The following NBPF14 variants were observed in gnomAD, a reference collection of about 807,000 sequenced individuals.
NBPF14 encodes the protein NBPF family member NBPF14.
NBPF14 carries 104 observed loss-of-function variants against 91.2 expected under a neutral mutation model. That is an observed-to-expected ratio of 1.14 (90% CI 0.97 to 1.34). NBPF14 has a LOEUF of 1.34. NBPF14 is among the 40% of genes most tolerant of loss of function. The probability of loss-of-function intolerance (pLI) is 0.00; values close to 1 mark genes in which losing one functional copy is unlikely to be tolerated. For synonymous variants in NBPF14, 294 were observed against 303.8 expected (o/e 0.97, Z 0.34); for missense variants, 908 against 783.0 (o/e 1.16, Z -1.91).
chr1:148,578,859 A>G (rs1660484661), intron 13 of NBPF14, among the ~76,000 whole-genome samples: 2 of 149,144 alleles, frequency 1.3e-5, no homozygotes, highest in African/African-American at 4.9e-5. Flanking sequence ...TGGCATGGGC[A>G]TGGCCTGAGA....
rs1266071356 is a variant in NBPF14, at chr1:148,593,808, G to A, written c.176-108C>T. 409 of 1,050,764 alleles carry A rather than the reference G, an allele frequency of 3.9e-4. 36 individuals carry two copies. Among genetic ancestry groups the A allele is most frequent in the Non-Finnish European group, 1.3e-4 (88 of 693,708 alleles). 65.1% of individuals were successfully genotyped at this position (1,050,764 alleles called of 1,614,324 possible). On this transcript the variant is annotated intron_variant, in intron 2 of 70. Transcript: ENST00000619423. ...CATCCCAAGGACAAAACTCTCCCCAGTACCACGGTCTAGACAGGGATTTCC... is the reference window on the plus strand; with the variant it reads ...CATCCCAAGGACAAAACTCTCCCCAATACCACGGTCTAGACAGGGATTTCC...
chr1:148,580,343 G>A (rs1182362758), intron 12 of NBPF14, among the ~76,000 whole-genome samples: 2 of 116,612 alleles, frequency 1.7e-5, no homozygotes, highest in Admixed American at 9.6e-5. Flanking sequence ...TGCAAGAAAC[G>A]GTATCAGTGA....
chr1:148,594,937 C>G (rs1326989561), intron 2 of NBPF14, among the ~76,000 whole-genome samples: 1 of 116,570 alleles, frequency 8.6e-6, no homozygotes, highest in Non-Finnish European at 1.7e-5. Flanking sequence ...ACCTCGTGCT[C>G]TGCCCGCCTC....
chr1:148,559,829 C>A lies in NBPF14; in HGVS notation c.4693G>T (p.Glu1565Ter). 3.3e-6 allele frequency: 5 copies of A among 1,535,044 alleles called. No individual in the cohort carries two copies. The highest frequency in any genetic ancestry group is 2.5e-5 in the East Asian group (1 of 40,426). Residue 1565 changes from glutamate (E) to a stop codon, truncating the protein, a stop_gained, in exon 37 of 71, where the codon GAG becomes TAG. Transcript: ENST00000619423. LOFTEE classifies it high-confidence loss of function. ...ACAGCCAAGCCAACACGCTGCTGCT[C>A]CAATATGTAAAAGGCACTTCTATAG...
At chr1:148,585,721 G>A (rs1661410831) in intron 9 of NBPF14, among the ~76,000 whole-genome samples, 3 of 148,058 alleles carry the variant, frequency 2.0e-5, no homozygotes, top group Admixed American at 1.3e-4. Flanking sequence ...ACCACAAAAC[G>A]CCCCCACATA....
exon 63 of NBPF14, chr1:148,539,513 C>G: frequency 3.4e-6 from 1 of 292,888 alleles, no homozygotes; most frequent in East Asian, 6.3e-5. Flanking sequence ...CTGAAGGAGT[C>G]GAATAACATC....
intron 69 of NBPF14, among the ~76,000 whole-genome samples, 197 bp downstream of exon 69, chr1:148,534,487 G>A (rs1386285391): frequency 6.6e-6 from 1 of 151,752 alleles, no homozygotes; most frequent in Non-Finnish European, 1.5e-5. Context: ...AGACTAGGAA[G>A]AGAGTCTTGC....
intron 14 of NBPF14, among the ~76,000 whole-genome samples, chr1:148,577,655 G>T (rs1660142814): frequency 1.3e-5 from 2 of 148,676 alleles, no homozygotes; most frequent in African/African-American, 5.1e-5. Flanking sequence ...CTCTGTATTT[G>T]TGCTCTCAGG....
At chr1:148,576,155 G>C (rs1316206389) in intron 16 of NBPF14, among the ~76,000 whole-genome samples, 1 of 73,936 alleles carries the variant, frequency 1.4e-5, no homozygotes, top group Non-Finnish European at 2.3e-5. Flanking sequence ...ATAATTTTCC[G>C]TAAACTTGCT....
chr1:148,535,116 G>C (rs1184914855), intron 68 of NBPF14, among the ~76,000 whole-genome samples: 1 of 146,288 alleles, frequency 6.8e-6, no homozygotes, highest in African/African-American at 2.6e-5. Context: ...ACTGATGAAG[G>C]GGTCAAAGGA....
In NBPF14 at chr1:148,575,980, G is replaced by C. The variant is rs1177946243; in HGVS notation, c.2079-169C>G. On this transcript the variant is annotated intron_variant, in intron 16 of 70. Transcript: ENST00000619423. ...TGTTGGGATAGACCAGGGCCAGGTA[G>C]AAAAGAATGAAAGAGAAAGACAGGG... Among the ~76,000 whole-genome samples the C allele has an allele frequency of 3.5e-5, 5 of 142,968 alleles. 1 individual carries two copies. The highest frequency in any genetic ancestry group is 1.1e-4 in the African/African-American group (4 of 37,904). 93.8% of individuals were successfully genotyped at this position (142,968 alleles called of 152,430 possible).
chr1:148,557,121 C>T (rs1233106741), intron 40 of NBPF14, among the ~76,000 whole-genome samples: 1 of 123,642 alleles, frequency 8.1e-6, no homozygotes, highest in African/African-American at 4.0e-5. Context: ...AGTGAATTGT[C>T]CAGGTGACAC....
Position 148,542,117 on chromosome 1 carries a change from C to T in NBPF14, c.7376-278G>A, listed in dbSNP as rs1351129373. ...AACAGTTACGCCATATTTTTCCAAT[C>T]AACTTAAAGCATATACCCTCAAATG... On this transcript the variant is annotated intron_variant, in intron 59 of 70. Coordinates refer to ENST00000619423, the Ensembl canonical transcript of NBPF14. Among the ~76,000 whole-genome samples the T allele has an allele frequency of 4.4e-3, 455 of 103,502 alleles. 8 individuals carry two copies. Among genetic ancestry groups the T allele is most frequent in the Non-Finnish European group, 4.6e-3 (270 of 58,766 alleles). 67.9% of individuals were successfully genotyped at this position (103,502 alleles called of 152,430 possible). A position where few individuals can be genotyped will look rare whatever the true frequency, so the allele number is the denominator to read the frequency against.
rs1663168429 is a variant in NBPF14 at position 148,595,470 on chromosome 1, G to A, written c.175+73C>T. The A allele has an allele frequency of 2.1e-5, 25 of 1,217,618 alleles. No homozygotes were observed. In the South Asian group the frequency reaches 2.7e-4, roughly 13 times the overall value. 75.4% of individuals were successfully genotyped at this position (1,217,618 alleles called of 1,614,324 possible). A position where few individuals can be genotyped will look rare whatever the true frequency, so the allele number is the denominator to read the frequency against. ...AGGATGAAATTATTTTTGATGGAGA[G>A]AGCATTTAGTGTCTCAGAGAGAAGA... On this transcript the variant is annotated intron_variant, in intron 2 of 70. Transcript: ENST00000619423.
chr1:148,566,281 C>T lies in NBPF14; in HGVS notation c.3577G>A (p.Glu1193Lys). ...CTATCCAGTGAGTCCTGCAAGACTT[C>T]AGGCTCTACTACCTCCAGCAGCTCC... Residue 1193 changes from glutamate (E) to lysine (K), a missense_variant, in exon 29 of 71, where the codon GAA (glutamate) becomes AAA (lysine). Coordinates refer to ENST00000619423, the Ensembl canonical transcript of NBPF14. The T allele has an allele frequency of 3.0e-6, 2 of 671,674 alleles. 1 individual carries two copies. The allele number at this position is 671,674 out of a possible 1,614,324, so 41.6% of individuals were successfully genotyped here.
chr1:148,579,023 C>T, intron 13 of NBPF14, 51 bp downstream of exon 13: 1 of 599,086 alleles, frequency 1.7e-6, no homozygotes, highest in Non-Finnish European at 3.0e-6. Flanking sequence ...ATTATGGGGT[C>T]TACCTGGGCC....
In NBPF14 at chr1:148,590,303, C is replaced by T. The variant is rs1417971085; in HGVS notation, c.778+454G>A. 2.2e-4 allele frequency among the ~76,000 whole-genome samples: 32 copies of T among 143,494 alleles called. 1 individual carries two copies. Among genetic ancestry groups the T allele is most frequent in the African/African-American group, 5.3e-4 (21 of 39,606 alleles). The allele number at this position is 143,494 out of a possible 152,430, so 94.1% of individuals were successfully genotyped here. The stretch of plus-strand genomic sequence containing the variant: ...CAATCTCCTGACCTCATGATCCACC[C>T]GCCTCGGCCTCCCAAAGTGCTCGGA... On this transcript the variant is annotated intron_variant, in intron 6 of 70. Coordinates refer to ENST00000619423, the Ensembl canonical transcript of NBPF14.
chr1:148,559,369 C>A (rs1657193364), intron 37 of NBPF14, among the ~76,000 whole-genome samples: 2 of 131,664 alleles, frequency 1.5e-5, no homozygotes, highest in African/African-American at 3.7e-5. Context: ...AGCAATTGCC[C>A]CCAAATGGTT....
At chr1:148,562,098 A>T in intron 34 of NBPF14, 138 bp downstream of exon 34, 1 of 209,506 alleles carries the variant, frequency 4.8e-6, no homozygotes, top group South Asian at 4.0e-5. Flanking sequence ...TGCAATGAAA[A>T]CCAACAGCAA....
Sources: gnomAD v4.1 joint callset for allele counts (sites outside exome capture counted in the v4.1 genomes callset) on GRCh38, gnomAD v4.1.1 for gene constraint, MANE v1.5 for transcripts, NCBI Gene and HGNC (gene_info 2026-07-23, HGNC 2026-07-21) for gene names.